The following ITSN1 variants were observed in gnomAD, a reference collection of about 807,000 sequenced individuals.
ITSN1 encodes intersectin-1.
A neutral mutation model predicts 239.8 loss-of-function variants in ITSN1; 58 were observed. The observed-to-expected ratio is 0.24, with a 90% CI of 0.20 to 0.30. ITSN1 has a LOEUF of 0.30. Ranked by LOEUF, ITSN1 falls within the 10% of genes least tolerant of loss-of-function variation. ITSN1 has a pLI of 1.00. For synonymous variants in ITSN1, 780 were observed against 770.8 expected (o/e 1.01, Z -0.20); for missense variants, 1,558 against 2,103.3 (o/e 0.74, Z 5.07).
chr21:33,749,494 T>C (rs1385606575), intron 5 of ITSN1, among the ~76,000 whole-genome samples: 1 of 151,724 alleles, frequency 6.6e-6, no homozygotes, highest in Non-Finnish European at 1.5e-5. Context: ...AATGTAAAAA[T>C]AGCCGGGCAT....
intron 18 of ITSN1, among the ~76,000 whole-genome samples, chr21:33,799,284 G>A (rs1221638610): frequency 6.6e-6 from 1 of 152,136 alleles, no homozygotes; most frequent in Non-Finnish European, 1.5e-5. Flanking sequence ...GGGATTATCA[G>A]TATAACCAAA....
intron 1 of ITSN1, among the ~76,000 whole-genome samples, chr21:33,670,391 A>G (rs1481761767): frequency 2.0e-5 from 3 of 152,312 alleles, no homozygotes; most frequent in East Asian, 3.9e-4. Flanking sequence ...GAAATTACTT[A>G]TTCCCTAATT....
At chr21:33,790,026 A>G (rs1322576088) in intron 16 of ITSN1, among the ~76,000 whole-genome samples, 1 of 152,180 alleles carries the variant, frequency 6.6e-6, no homozygotes, top group African/African-American at 2.4e-5. Context: ...TATCTTAACT[A>G]ATACAAAACA....
chr21:33,702,116 T>TAAACA (rs1568975054), intron 1 of ITSN1, among the ~76,000 whole-genome samples: 12 of 145,736 alleles, frequency 8.2e-5, no homozygotes, highest in East Asian at 6.0e-4. Flanking sequence ...TTTTTTTTTT[T>TAAACA]TTTTTTTTTT....
chr21:33,765,933 A>G lies in ITSN1; in HGVS notation c.847A>G (p.Met283Val), dbSNP rs2068691733. 3 of 1,614,144 alleles carry G rather than the reference A, an allele frequency of 1.9e-6. No homozygotes were observed. The highest frequency in any genetic ancestry group is 2.5e-6 in the Non-Finnish European group (3 of 1,179,966). Residue 283 changes from methionine (M) to valine (V), a missense_variant, in exon 10 of 40, where the codon ATG becomes GTG. By Grantham distance (21) the Met-to-Val change is conservative. This residue lies in a region of ITSN1 where 982 missense variants were observed against 1,209.9 expected (regional missense o/e 0.81). Coordinates refer to ENST00000381318, the MANE Select transcript of ITSN1 (RefSeq NM_003024.3). ...KLTAEEFILA[M>V]HLIDVAMSGQ... is the part of the protein sequence containing the mutation. ...TACAGCAGAGGAATTTATCCTGGCAATGCACCTCATTGATGTAGCTATGTC... is the reference window on the plus strand; with the variant it reads ...TACAGCAGAGGAATTTATCCTGGCAGTGCACCTCATTGATGTAGCTATGTC...
At chr21:33,730,050 A>T (rs1017781985) in intron 4 of ITSN1, among the ~76,000 whole-genome samples, 1 of 152,010 alleles carries the variant, frequency 6.6e-6, no homozygotes, top group South Asian at 2.1e-4. Flanking sequence ...TCTTACGTGG[A>T]TATGTTAGTT....
At chr21:33,689,883 G>A (rs188388866) in intron 1 of ITSN1, among the ~76,000 whole-genome samples, 102 of 151,284 alleles carry the variant, frequency 6.7e-4, no homozygotes, top group Middle Eastern at 3.4e-3. Flanking sequence ...CAGGAGAATC[G>A]CTTGAAATCG....
At chr21:33,681,984 A>T (rs1324168546) in intron 1 of ITSN1, among the ~76,000 whole-genome samples, 1 of 151,442 alleles carries the variant, frequency 6.6e-6, no homozygotes, top group Non-Finnish European at 1.5e-5. Flanking sequence ...CCAGTTTTAT[A>T]GAGCAGTTCC....
chr21:33,760,848 G>T (rs933697574), intron 8 of ITSN1, among the ~76,000 whole-genome samples: 4 of 152,180 alleles, frequency 2.6e-5, no homozygotes, highest in Admixed American at 2.6e-4. Context: ...CACATCTTGA[G>T]AGGCAGTGCT....
At chr21:33,737,045 A>G (rs1033610743) in intron 5 of ITSN1, among the ~76,000 whole-genome samples, 1 of 152,182 alleles carries the variant, frequency 6.6e-6, no homozygotes, top group African/African-American at 2.4e-5. Flanking sequence ...CCAATGCTAC[A>G]AGAAGAAATC....
chr21:33,750,017 G>A (rs984721397), intron 5 of ITSN1, 126 bp from the exon 6 acceptor site: 12 of 863,224 alleles, frequency 1.4e-5, no homozygotes, highest in African/African-American at 1.3e-4. Context: ...TTAACTTGAA[G>A]CCCTATTTTA....
intron 14 of ITSN1, among the ~76,000 whole-genome samples, chr21:33,779,768 A>G (rs902388700): frequency 3.3e-5 from 5 of 152,272 alleles, no homozygotes; most frequent in Non-Finnish European, 7.3e-5. Flanking sequence ...AAAAAGTACC[A>G]GAAGTTGATT....
intron 36 of ITSN1, 67 bp downstream of exon 36, chr21:33,883,738 G>A: frequency 6.4e-7 from 1 of 1,564,970 alleles, no homozygotes; most frequent in South Asian, 1.1e-5. Flanking sequence ...CAAGGGGCGG[G>A]TGATTAATCA....
At chr21:33,668,442 A>G (rs1033416296) in intron 1 of ITSN1, among the ~76,000 whole-genome samples, 3 of 152,116 alleles carry the variant, frequency 2.0e-5, no homozygotes, top group Middle Eastern at 3.4e-3. Context: ...GAGTGTTGTC[A>G]GGAGATCTGC....
intron 5 of ITSN1, among the ~76,000 whole-genome samples, chr21:33,735,801 G>A (rs1409869245): frequency 6.6e-6 from 1 of 151,998 alleles, no homozygotes; most frequent in East Asian, 1.9e-4. Context: ...TCAGGAGTTC[G>A]AGACCAGCCT....
Position 33,775,236 on chromosome 21 carries a change from T to A in ITSN1, c.1596+128T>A. On this transcript the variant is annotated intron_variant, in intron 14 of 39. Coordinates refer to ENST00000381318, the MANE Select transcript of ITSN1 (RefSeq NM_003024.3). ...TGTACTAGGCACTGGGAAGCAAAAATGAAGTAGACAGGGTCCTTGTGTGAA... is the reference window on the plus strand; with the variant it reads ...TGTACTAGGCACTGGGAAGCAAAAAAGAAGTAGACAGGGTCCTTGTGTGAA... 3 of 919,572 alleles carry A rather than the reference T, an allele frequency of 3.3e-6. No homozygotes were observed. The East Asian group carries it at 8.2e-5, about 25-fold the overall frequency. 57.0% of individuals were successfully genotyped at this position (919,572 alleles called of 1,614,324 possible).
At chr21:33,798,831 C>T (rs1335124181) in intron 18 of ITSN1, among the ~76,000 whole-genome samples, 1 of 152,054 alleles carries the variant, frequency 6.6e-6, no homozygotes, top group Non-Finnish European at 1.5e-5. Context: ...GGTCATCAGA[C>T]CTACAGAGTA....
intron 33 of ITSN1, among the ~76,000 whole-genome samples, chr21:33,874,650 C>CTTTTTTTTTT (rs146318076): frequency 2.2e-5 from 3 of 138,814 alleles, no homozygotes; most frequent in Admixed American, 7.2e-5. Flanking sequence ...TTTTCTTTTT[C>CTTTTTTTTTT]TTTCTTTTTT....
intron 16 of ITSN1, among the ~76,000 whole-genome samples, chr21:33,790,491 AT>A (rs1423817862): frequency 6.6e-6 from 1 of 152,102 alleles, no homozygotes; most frequent in Non-Finnish European, 1.5e-5. Context: ...CTTGAATAGA[AT>A]TCATAAAAGA....
Sources: gnomAD v4.1 joint callset for allele counts (sites outside exome capture counted in the v4.1 genomes callset) on GRCh38, gnomAD v4.1.1 for gene constraint, gnomAD v4.1.1 regional missense constraint, MANE v1.5 for transcripts, NCBI Gene and HGNC (gene_info 2026-07-23, HGNC 2026-07-21) for gene names.